Variants in DDX52 observed in about 807,000 individuals in gnomAD.
The protein encoded by DDX52 is probable ATP-dependent RNA helicase DDX52.
In DDX52, 59 loss-of-function variants were observed where a neutral mutation model predicts 76.1. That is an observed-to-expected ratio of 0.78 (90% CI 0.63 to 0.96). The LOEUF (loss-of-function observed/expected upper bound fraction) is 0.96. DDX52 is among the 40% of genes least tolerant of loss of function. DDX52 has a pLI of 0.00. For missense variants in DDX52, 707 were observed against 703.9 expected, an observed-to-expected ratio of 1.00 and a Z score of -0.05; for synonymous variants, 231 against 244.1, an observed-to-expected ratio of 0.95 and a Z score of 0.50.
At chr17:37,642,478 T>C (rs1337657202) in intron 1 of DDX52, among the ~76,000 whole-genome samples, 170 bp from the exon 2 acceptor site, 3 of 152,178 alleles carry the variant, frequency 2.0e-5, no homozygotes, top group Admixed American at 6.5e-5. Flanking sequence ...GACCTCATAA[T>C]AGTAACAAAT....
intron 14 of DDX52, 102 bp downstream of exon 14, chr17:37,618,190 T>G (rs1598751290): frequency 1.3e-6 from 1 of 796,394 alleles, no homozygotes; most frequent in East Asian, 2.7e-5. Context: ...TATAACAGAC[T>G]GTAGTATCAA....
At position 37,626,338 on chromosome 17, in the gene DDX52, G is replaced by A; in HGVS notation, c.933-240C>T. On this transcript the variant is annotated intron_variant, in intron 7 of 14. Coordinates refer to ENST00000617633, the MANE Select transcript of DDX52 (RefSeq NM_007010.5). ...ACGTGTTGAGGGAGGGACCTGGTGG[G>A]AGGTGACCGGCTCATGGGGGCACTC... Among the ~76,000 whole-genome samples, 2 of 152,162 alleles carry A rather than the reference G, an allele frequency of 1.3e-5. 1 individual carries two copies. Among genetic ancestry groups the A allele is most frequent in the Non-Finnish European group, 2.9e-5 (2 of 68,030 alleles).
Position 37,613,818 on chromosome 17 carries a change from C to A in DDX52, c.*478G>T, listed in dbSNP as rs1180920918. 6.5e-6 allele frequency: 1 copy of A among 152,976 alleles called. No homozygotes were observed. Among genetic ancestry groups the A allele is most frequent in the Non-Finnish European group, 1.5e-5 (1 of 68,296 alleles). The allele number at this position is 152,976 out of a possible 1,614,324, so 9.5% of individuals were successfully genotyped here. On this transcript the variant is annotated 3_prime_UTR_variant, in exon 15 of 15. Transcript: ENST00000617633. ...CTCTCCACAGCATTCATCACACCTT[C>A]CTTCACACTTGAAGGGAAAAGTCCT...
chr17:37,634,325 G>A (rs1386834322), intron 2 of DDX52, among the ~76,000 whole-genome samples: 1 of 151,568 alleles, frequency 6.6e-6, no homozygotes, highest in African/African-American at 2.4e-5. Context: ...TATAATGAAA[G>A]ATCTCACTTA....
intron 2 of DDX52, among the ~76,000 whole-genome samples, chr17:37,638,758 GTTGT>G (rs1038442516): frequency 5.7e-5 from 8 of 140,822 alleles, no homozygotes; most frequent in Non-Finnish European, 9.0e-5. Context: ...AAACATGGAA[GTTGT>G]TTTTTTTCTT....
chr17:37,610,664 A>G lies in DDX52; in HGVS notation c.*3632T>C, dbSNP rs965088295. 6.6e-6 allele frequency: 1 copy of G among 152,216 alleles called. No individual in the cohort carries two copies. The highest frequency in any genetic ancestry group is 1.5e-5 in the Non-Finnish European group (1 of 68,042). The allele number at this position is 152,216 out of a possible 1,614,324, so 9.4% of individuals were successfully genotyped here. On this transcript the variant is annotated 3_prime_UTR_variant, in exon 15 of 15. Coordinates refer to ENST00000617633, the MANE Select transcript of DDX52 (RefSeq NM_007010.5). ...ATCCTCAGTATCCTTAGGAGTTACAATTGGCATCTTACAGATGAGAAAATC... is the reference window on the plus strand; with the variant it reads ...ATCCTCAGTATCCTTAGGAGTTACAGTTGGCATCTTACAGATGAGAAAATC...
intron 1 of DDX52, 145 bp from the exon 2 acceptor site, chr17:37,642,453 G>T (rs2031250154): frequency 5.8e-6 from 5 of 868,148 alleles, no homozygotes; most frequent in South Asian, 1.6e-5. Context: ...AATGGAATCT[G>T]AAGAGACCTT....
Position 37,611,327 on chromosome 17 carries a change from T to C in DDX52, c.*2969A>G, listed in dbSNP as rs2064355938. On this transcript the variant is annotated 3_prime_UTR_variant, in exon 15 of 15. Coordinates refer to ENST00000617633, the MANE Select transcript of DDX52 (RefSeq NM_007010.5). ...TAGCATAATGTGTGTGTTTGTGCCA[T>C]GGTTTTTAACAAAAAAGTTTTAGAA... 1 of 152,172 alleles carries C rather than the reference T, an allele frequency of 6.6e-6. No homozygotes were observed. Among genetic ancestry groups the C allele is most frequent in the South Asian group, 2.1e-4 (1 of 4,830 alleles). The allele number at this position is 152,172 out of a possible 1,614,324, so 9.4% of individuals were successfully genotyped here.
chr17:37,629,177 C>T (rs555782913), intron 5 of DDX52, among the ~76,000 whole-genome samples: 74 of 150,930 alleles, frequency 4.9e-4, no homozygotes, highest in South Asian at 3.4e-3. Flanking sequence ...GCCGAGATGG[C>T]GCCGCTGCAC....
intron 1 of DDX52, 144 bp downstream of exon 1, chr17:37,643,190 A>T (rs1012887974): frequency 1.3e-6 from 1 of 752,198 alleles, no homozygotes; most frequent in Non-Finnish European, 2.1e-6. Flanking sequence ...GGCAAGCCGA[A>T]CACAAAAGGA....
intron 7 of DDX52, 69 bp from the exon 8 acceptor site, chr17:37,626,167 G>T: frequency 6.6e-7 from 1 of 1,523,656 alleles, no homozygotes; most frequent in Non-Finnish European, 9.0e-7. Flanking sequence ...AAACTGTGGG[G>T]ACAGTGGACA....
In DDX52 at chr17:37,625,937, T is replaced by G. The variant is rs61749870; in HGVS notation, c.1094A>C (p.Lys365Thr). 140 of 1,613,966 alleles carry G rather than the reference T, an allele frequency of 8.7e-5. No individual in the cohort carries two copies. The highest frequency in any genetic ancestry group is 1.1e-4 in the Non-Finnish European group (133 of 1,179,994). ...ACTGATGACATTGTCCAGGTTGAGT[T>G]TGCACCACTGTTCAACATCATATGC... ...TFAYDVEQWC[K>T]LNLDNVISVS... Residue 365 changes from lysine to threonine, a missense_variant, in exon 8 of 15, where the codon AAA (lysine) becomes ACA (threonine). Transcript: ENST00000617633.
At chr17:37,638,526 C>T (rs974839466) in intron 2 of DDX52, among the ~76,000 whole-genome samples, 11 of 151,942 alleles carry the variant, frequency 7.2e-5, no homozygotes, top group African/African-American at 2.2e-4. Context: ...ATTAAAGTTG[C>T]GTTAAAGTCC....
intron 9 of DDX52, among the ~76,000 whole-genome samples, chr17:37,623,661 G>C (rs2030216161): frequency 6.6e-6 from 1 of 152,120 alleles, no homozygotes; most frequent in Admixed American, 6.5e-5. Flanking sequence ...ATCCTTCAAG[G>C]ATCAGTTTAG....
intron 14 of DDX52, among the ~76,000 whole-genome samples, chr17:37,616,002 C>A (rs1373691104): frequency 2.0e-5 from 3 of 152,070 alleles, no homozygotes; most frequent in African/African-American, 7.2e-5. Context: ...AACAGAGATT[C>A]CATCTCAAAA....
At chr17:37,639,987 A>G (rs2031113317) in intron 2 of DDX52, among the ~76,000 whole-genome samples, 1 of 152,204 alleles carries the variant, frequency 6.6e-6, no homozygotes, top group African/African-American at 2.4e-5. Flanking sequence ...AATGTACTAA[A>G]TGCCCACACA....
rs1377116816 is a variant in DDX52, at chr17:37,611,966, A to AAAAAC, written c.*2329_*2330insGTTTT. ...ACAGACCCTGTTTCTCAAAAAAAAA[A>AAAAAC]AAAAAAACAAAACAAAAAAACTCAT... On this transcript the variant is annotated 3_prime_UTR_variant, in exon 15 of 15. Transcript: ENST00000617633. The AAAAAC allele has an allele frequency of 8.7e-5, 13 of 149,188 alleles. No individual in the cohort carries two copies. Among genetic ancestry groups the AAAAAC allele is most frequent in the African/African-American group, 3.2e-4 (13 of 40,926 alleles). 9.2% of individuals were successfully genotyped at this position (149,188 alleles called of 1,614,324 possible).
At chr17:37,638,298 C>A (rs1328095855) in intron 2 of DDX52, among the ~76,000 whole-genome samples, 1 of 152,210 alleles carries the variant, frequency 6.6e-6, no homozygotes, top group Non-Finnish European at 1.5e-5. Context: ...AAAAAAAATT[C>A]TGCTAGAATT....
At chr17:37,635,845 T>C (rs567322367) in intron 2 of DDX52, among the ~76,000 whole-genome samples, 2 of 152,352 alleles carry the variant, frequency 1.3e-5, no homozygotes, top group South Asian at 4.1e-4. Flanking sequence ...CTGTACATCC[T>C]TGCCCATACT....
Sources: gnomAD v4.1 joint callset for allele counts (sites outside exome capture counted in the v4.1 genomes callset) on GRCh38, gnomAD v4.1.1 for gene constraint, MANE v1.5 for transcripts, NCBI Gene and HGNC (gene_info 2026-07-23, HGNC 2026-07-21) for gene names.